Variants in ADGRE1 observed in about 807,000 individuals in gnomAD.
ADGRE1 encodes the protein EGF-like module receptor 1.
ADGRE1 carries 82 observed loss-of-function variants against 102.7 expected under a neutral mutation model. That is an observed-to-expected ratio of 0.80 (90% CI 0.67 to 0.96). The LOEUF (loss-of-function observed/expected upper bound fraction) is 0.96. Among genes scored for constraint, ADGRE1 ranks in the 40% least tolerant of loss-of-function variants. The pLI, the probability that ADGRE1 is intolerant of heterozygous loss-of-function variation, is 0.00. For synonymous variants in ADGRE1, 398 were observed against 399.6 expected (o/e 1.00, Z 0.05); for missense variants, 1,032 against 1,085.3 (o/e 0.95, Z 0.69).
intron 13 of ADGRE1, among the ~76,000 whole-genome samples, chr19:6,920,516 C>CTTGTTTTTT (rs1974613643): frequency 1.3e-5 from 1 of 75,736 alleles, no homozygotes; most frequent in Non-Finnish European, 2.4e-5. Flanking sequence ...ACCATGCCCG[C>CTTGTTTTTT]TTTTTTTTTT....
At chr19:6,936,581 T>A (rs751654045) in intron 18 of ADGRE1, among the ~76,000 whole-genome samples, 4 of 148,910 alleles carry the variant, frequency 2.7e-5, no homozygotes, top group Non-Finnish European at 5.9e-5. Flanking sequence ...TTTCGTACAT[T>A]CACAGTGTTG....
intron 1 of ADGRE1, 138 bp from the exon 2 acceptor site, chr19:6,890,343 T>C: frequency 1.4e-6 from 1 of 703,260 alleles, no homozygotes; most frequent in Non-Finnish European, 2.3e-6. Context: ...GTTCCTTAAC[T>C]AGGTTTGTCA....
rs1019732594 is a variant in ADGRE1 at position 6,902,385 on chromosome 19, G to A, written c.661+364G>A. ...TGTCCATGTTCTCAACCCCTCCACT[G>A]TGTGCCTCTTTTTGTTTGTTTGTTT... On this transcript the variant is annotated intron_variant, in intron 6 of 20. Coordinates refer to ENST00000312053, the MANE Select transcript of ADGRE1 (RefSeq NM_001974.5). 3.9e-5 allele frequency among the ~76,000 whole-genome samples: 6 copies of A among 152,166 alleles called. 1 individual carries two copies. Among genetic ancestry groups the A allele is most frequent in the Admixed American group, 6.6e-5 (1 of 15,252 alleles).
chr19:6,936,718 G>A (rs558195750), intron 18 of ADGRE1, among the ~76,000 whole-genome samples: 19 of 151,498 alleles, frequency 1.3e-4, no homozygotes, highest in Non-Finnish European at 2.2e-4. Flanking sequence ...CGCCTCCCAG[G>A]TTCAAGCGAT....
At chr19:6,915,300 C>T (rs1206537780) in intron 11 of ADGRE1, among the ~76,000 whole-genome samples, 2 of 152,142 alleles carry the variant, frequency 1.3e-5, no homozygotes, top group Admixed American at 1.3e-4. Context: ...AACCACTGTA[C>T]TCAGCCAAGA....
chr19:6,898,545 C>T, intron 5 of ADGRE1: 2 of 1,527,050 alleles, frequency 1.3e-6, no homozygotes, highest in Non-Finnish European at 1.8e-6. Flanking sequence ...AACTGAGGCA[C>T]CCAATTTCTT....
chr19:6,897,071 C>CTTTTTTTTTTTTTTTTTTTTTTTAATT (rs11397719), intron 3 of ADGRE1, 78 bp from the exon 4 acceptor site: 1 of 705,850 alleles, frequency 1.4e-6, no homozygotes. Flanking sequence ...ATTGTTTTAA[C>CTTTTTTTTTTTTTTTTTTTTTTTAATT]TTTTTTTTTT....
At chr19:6,931,958 A>G (rs903422465) in intron 17 of ADGRE1, among the ~76,000 whole-genome samples, 4 of 152,206 alleles carry the variant, frequency 2.6e-5, no homozygotes, top group South Asian at 2.1e-4. Flanking sequence ...TCGTTAAGAA[A>G]ATAAAAACAA....
chr19:6,897,584 A>T (rs1397414552), intron 5 of ADGRE1, 37 bp downstream of exon 5: 2 of 1,490,540 alleles, frequency 1.3e-6, no homozygotes, highest in Non-Finnish European at 1.8e-6. Flanking sequence ...TACCTACTTA[A>T]TTAATTAAGG....
rs371083629 is a variant in ADGRE1, at chr19:6,897,461, C to G, written c.428C>G (p.Pro143Arg). The change falls in exon 5 of 21, where the codon CCT becomes CGT. Residue 143 changes from proline to arginine, a missense_variant. Pro to Arg is a moderately radical substitution (Grantham distance 103). Transcript: ENST00000312053. ...GAGTGCCTCACCAGCAGCGTCTGCC[C>G]TGAGCATTCTGACTGTGTCAACTCC... is the stretch of plus-strand genomic sequence containing the variant. ...INECLTSSVC[P>R]EHSDCVNSMG... 73 of 1,601,090 alleles carry G rather than the reference C, an allele frequency of 4.6e-5. 2 individuals are homozygous for G. The highest frequency in any genetic ancestry group is 7.9e-5 in the South Asian group (7 of 88,876).
chr19:6,933,151 A>G (rs1195314270), intron 17 of ADGRE1, among the ~76,000 whole-genome samples: 5 of 151,980 alleles, frequency 3.3e-5, no homozygotes, highest in African/African-American at 4.8e-5. Context: ...AACCTGGGAG[A>G]CAGAGGTTAC....
intron 15 of ADGRE1, among the ~76,000 whole-genome samples, chr19:6,925,838 G>A (rs1214926842): frequency 6.6e-6 from 1 of 152,024 alleles, no homozygotes; most frequent in Non-Finnish European, 1.5e-5. Context: ...TGGGACCACA[G>A]GCCTGTGCCA....
chr19:6,894,795 G>A (rs1973491411), intron 2 of ADGRE1, among the ~76,000 whole-genome samples: 1 of 152,166 alleles, frequency 6.6e-6, no homozygotes. Context: ...GGAAGATCTG[G>A]ATCAGGCATA....
Position 6,913,566 on chromosome 19 carries a change from C to A in ADGRE1, c.1123-87C>A. The A allele has an allele frequency of 3.8e-6, 5 of 1,307,240 alleles. No homozygotes were observed. The South Asian group carries it at 5.5e-5, about 14-fold the overall frequency. 81.0% of individuals were successfully genotyped at this position (1,307,240 alleles called of 1,614,324 possible). A position where few individuals can be genotyped will look rare whatever the true frequency, so the allele number is the denominator to read the frequency against. ...TTTAATTCTCCTTTGGATGGACTCCCAGCCTATTCTTAATCAGAAAAGGGA... is the reference window on the plus strand; with the variant it reads ...TTTAATTCTCCTTTGGATGGACTCCAAGCCTATTCTTAATCAGAAAAGGGA... On this transcript the variant is annotated intron_variant, in intron 10 of 20. Coordinates refer to ENST00000312053, the MANE Select transcript of ADGRE1 (RefSeq NM_001974.5).
intron 5 of ADGRE1, 95 bp from the exon 6 acceptor site, chr19:6,901,780 C>A: frequency 1.5e-6 from 2 of 1,325,358 alleles, no homozygotes; most frequent in South Asian, 1.3e-5. Flanking sequence ...GCCCTGTCTG[C>A]TGAAAATCAA....
chr19:6,916,978 C>G (rs1429138483), intron 12 of ADGRE1, among the ~76,000 whole-genome samples: 1 of 151,998 alleles, frequency 6.6e-6, no homozygotes, highest in Non-Finnish European at 1.5e-5. Context: ...TTCTGTTGGA[C>G]AGTGCTAATC....
At chr19:6,936,754 C>T (rs1975422852) in intron 18 of ADGRE1, among the ~76,000 whole-genome samples, 1 of 151,856 alleles carries the variant, frequency 6.6e-6, no homozygotes, top group East Asian at 2.0e-4. Context: ...TCCTGGGTAG[C>T]TGGGATTACA....
At chr19:6,911,393 T>TTTG (rs1974173302) in intron 10 of ADGRE1, among the ~76,000 whole-genome samples, 1 of 144,528 alleles carries the variant, frequency 6.9e-6, no homozygotes, top group African/African-American at 2.5e-5. Flanking sequence ...TAGTTTTTTT[T>TTTG]TTTTTTTTTT....
chr19:6,927,813 C>T (rs1974982778), intron 16 of ADGRE1, among the ~76,000 whole-genome samples: 1 of 152,150 alleles, frequency 6.6e-6, no homozygotes, highest in East Asian at 1.9e-4. Context: ...AGGCGTGAGA[C>T]CCCACGCCCG....
Sources: allele counts gnomAD v4.1 joint callset (sites outside exome capture counted in the v4.1 genomes callset), GRCh38; gene constraint gnomAD v4.1.1; transcripts MANE v1.5; gene names NCBI Gene and HGNC (gene_info 2026-07-23, HGNC 2026-07-21).